The following ZBBX variants were observed in gnomAD, a reference collection of about 807,000 sequenced individuals.
ZBBX encodes the protein zinc finger B-box domain-containing protein 1.
ZBBX carries 101 observed loss-of-function variants against 108.5 expected under a neutral mutation model. The observed-to-expected ratio is 0.93, with a 90% CI of 0.79 to 1.10. The LOEUF (loss-of-function observed/expected upper bound fraction) is 1.10, where lower values mean the gene tolerates loss of function less well. Among genes scored for constraint, ZBBX ranks in the 50% least tolerant of loss-of-function variants. The probability of loss-of-function intolerance (pLI) is 0.00; values close to 1 mark genes in which losing one functional copy is unlikely to be tolerated. For missense variants in ZBBX, 1,009 were observed against 941.4 expected, an observed-to-expected ratio of 1.07 and a Z score of -0.94; for synonymous variants, 356 against 323.4, an observed-to-expected ratio of 1.10 and a Z score of -1.08.
intron 10 of ZBBX, among the ~76,000 whole-genome samples, chr3:167,330,964 T>TCTCTCTCTCTCTCTCTCTCTC (rs1310209358): frequency 6.2e-5 from 9 of 145,820 alleles, no homozygotes; most frequent in African/African-American, 1.5e-4. Context: ...TCTCTCTCTC[T>TCTCTCTCTCTCTCTCTCTCTC]CCCCCACTCC....
chr3:167,407,737 T>A (rs1322901779), exon 1 of ZBBX, among the ~76,000 whole-genome samples: 1 of 151,956 alleles, frequency 6.6e-6, no homozygotes, highest in African/African-American at 2.4e-5. Context: ...TTGAGTAGGC[T>A]GAGGAGGAAG....
chr3:167,242,593 T>C lies in ZBBX; in HGVS notation c.2305A>G (p.Ser769Gly). The stretch of plus-strand genomic sequence containing the variant: ...TGACTTATATTCAGTGATTGGCTGC[T>C]GAAATCTGGGAACTCTTCTGAGGTT... ...SLTSEEFPDF[S>G]SQSLNISQIS... Residue 769 changes from serine to glycine, a missense_variant, in exon 21 of 22, where the codon AGC becomes GGC. Ser to Gly is a moderately conservative substitution (Grantham distance 56). Transcript: ENST00000675490. 1 of 1,613,790 alleles carries C rather than the reference T, an allele frequency of 6.2e-7. No individual in the cohort carries two copies. The highest frequency in any genetic ancestry group is 1.1e-5 in the South Asian group (1 of 91,068).
chr3:167,358,367 G>A (rs1743937311), intron 8 of ZBBX, among the ~76,000 whole-genome samples: 1 of 151,510 alleles, frequency 6.6e-6, no homozygotes, highest in African/African-American at 2.4e-5. Flanking sequence ...TTTACTAGGG[G>A]ATGGGGGGAA....
intron 20 of ZBBX, among the ~76,000 whole-genome samples, chr3:167,254,465 C>CT (rs1279950484): frequency 6.6e-6 from 1 of 152,060 alleles, no homozygotes; most frequent in Non-Finnish European, 1.5e-5. Context: ...TAGAGAATGA[C>CT]TTTTTTAAAA....
At chr3:167,193,359 A>T in the ZBBX span, among the ~76,000 whole-genome samples, 1 of 152,216 alleles carries the variant, frequency 6.6e-6, no homozygotes, top group African/African-American at 2.4e-5. Context: ...CTTTCACCAC[A>T]TTCTGTTGCT....
intron 4 of ZBBX, among the ~76,000 whole-genome samples, chr3:167,371,822 A>T (rs1463144389): frequency 6.6e-6 from 1 of 152,180 alleles, no homozygotes; most frequent in Non-Finnish European, 1.5e-5. Flanking sequence ...TTTATACCCC[A>T]TATCTCAAAG....
At chr3:167,206,617 A>G in the ZBBX span, among the ~76,000 whole-genome samples, 1 of 152,132 alleles carries the variant, frequency 6.6e-6, no homozygotes, top group Non-Finnish European at 1.5e-5. Flanking sequence ...TCAAAATTTT[A>G]ATGGCATTTT....
rs148949222 is a variant in ZBBX, at chr3:167,285,000, A to G, written c.1997-2505T>C. ...AAATCTCAATTTGTAGATTAAAAGC[A>G]TAAGAAGTTACTTTTGGAGTAACAT... On this transcript the variant is annotated intron_variant, in intron 19 of 21. Transcript: ENST00000675490. Among the ~76,000 whole-genome samples the G allele has an allele frequency of 3.0e-4, 46 of 152,262 alleles. No individual in the cohort carries two copies. In the East Asian group the frequency reaches 8.1e-3, roughly 27 times the overall value.
At position 167,288,871 on chromosome 3, in the gene ZBBX, C is replaced by T. The variant is rs1349383112; in HGVS notation, c.1992G>A (p.Lys664=). 1.3e-6 allele frequency: 2 copies of T among 1,530,824 alleles called. No individual in the cohort carries two copies. The highest frequency in any genetic ancestry group is 2.0e-5 in the Admixed American group (1 of 50,254). 94.8% of individuals were successfully genotyped at this position (1,530,824 alleles called of 1,614,324 possible). A position where few individuals can be genotyped will look rare whatever the true frequency, so the allele number is the denominator to read the frequency against. The change falls in exon 19 of 22, where the codon AAG becomes AAA. Residue 664 remains lysine (K), a synonymous_variant. Transcript: ENST00000675490. ...CTGCCTTTGAGTCAATGTTACCCAT[C>T]TTTTGCTGTTTTCTACTTGATGATG... ...QSPSSSRKQQ[K]MGQKSQRPST...
At chr3:167,347,667 TAA>T (rs1165524592) in intron 9 of ZBBX, among the ~76,000 whole-genome samples, 2 of 151,970 alleles carry the variant, frequency 1.3e-5, no homozygotes, top group Non-Finnish European at 2.9e-5. Context: ...AATAATGTTA[TAA>T]AAAAGAGAAT....
intron 17 of ZBBX, among the ~76,000 whole-genome samples, chr3:167,304,231 T>G (rs1733208639): frequency 6.6e-6 from 1 of 152,206 alleles, no homozygotes; most frequent in Non-Finnish European, 1.5e-5. Context: ...GAAGATAGTC[T>G]TCCTCTAGGA....
At chr3:167,204,884 T>G in the ZBBX span, among the ~76,000 whole-genome samples, 9 of 150,200 alleles carry the variant, frequency 6.0e-5, no homozygotes, top group Admixed American at 2.0e-4. Context: ...AGATAAGATA[T>G]AGAGGACAGG....
At chr3:167,285,627 A>C (rs1277671275) in intron 19 of ZBBX, among the ~76,000 whole-genome samples, 1 of 152,186 alleles carries the variant, frequency 6.6e-6, no homozygotes, top group Non-Finnish European at 1.5e-5. Context: ...TACAAAATTC[A>C]GGAACTGGAT....
chr3:167,391,191 T>A (rs192864643), intron 1 of ZBBX, among the ~76,000 whole-genome samples: 60 of 152,274 alleles, frequency 3.9e-4, no homozygotes, highest in African/African-American at 1.3e-3. Context: ...GTCATTCTCA[T>A]GAAAGGATGT....
At chr3:167,383,490 A>C (rs370174709), upstream of ZBBX, among the ~76,000 whole-genome samples, 1 of 152,114 alleles carries the variant, frequency 6.6e-6, no homozygotes, top group East Asian at 1.9e-4. Context: ...CGAATGGCTA[A>C]ACTTGAGGAA....
intron 8 of ZBBX, among the ~76,000 whole-genome samples, chr3:167,359,348 T>C (rs1343293907): frequency 6.6e-6 from 1 of 152,118 alleles, no homozygotes; most frequent in Non-Finnish European, 1.5e-5. Context: ...TTCTAGGTCT[T>C]GATAGAGGTG....
intron 20 of ZBBX, among the ~76,000 whole-genome samples, chr3:167,252,603 A>AT (rs1365566354): frequency 6.6e-6 from 1 of 151,628 alleles, no homozygotes; most frequent in Non-Finnish European, 1.5e-5. Context: ...AAAAAAAAAA[A>AT]ATCCATGTCT....
chr3:167,190,474 G>T, the ZBBX span, among the ~76,000 whole-genome samples: 1 of 149,824 alleles, frequency 6.7e-6, no homozygotes, highest in Non-Finnish European at 1.5e-5. Flanking sequence ...TCCGCCTCCC[G>T]GGTTCATGCC....
At chr3:167,301,079 T>G (rs1732586660) in intron 17 of ZBBX, among the ~76,000 whole-genome samples, 1 of 152,198 alleles carries the variant, frequency 6.6e-6, no homozygotes, top group South Asian at 2.1e-4. Flanking sequence ...CTCCTCCCAC[T>G]CATCACCCTC....
Sources: allele counts gnomAD v4.1 joint callset (sites outside exome capture counted in the v4.1 genomes callset), GRCh38; gene constraint gnomAD v4.1.1; transcripts MANE v1.5; gene names NCBI Gene and HGNC (gene_info 2026-07-23, HGNC 2026-07-21).